The following LAMB4 variants were observed in gnomAD, a reference collection of about 807,000 sequenced individuals.
The protein encoded by LAMB4 is laminin subunit beta-4.
LAMB4 carries 196 observed loss-of-function variants against 199.2 expected under a neutral mutation model. That is an observed-to-expected ratio of 0.98 (90% CI 0.88 to 1.11). The LOEUF (loss-of-function observed/expected upper bound fraction) is 1.11, where lower values mean the gene tolerates loss of function less well. Among genes scored for constraint, LAMB4 ranks in the 50% least tolerant of loss-of-function variants. The pLI is 0.00. For synonymous variants in LAMB4, 744 were observed against 770.6 expected, an observed-to-expected ratio of 0.97 and a Z score of 0.57; for missense variants, 2,080 against 2,171.2, an observed-to-expected ratio of 0.96 and a Z score of 0.83.
At chr7:108,024,956 G>A (rs1636947) in intron 33 of LAMB4, among the ~76,000 whole-genome samples, 30,736 of 152,174 alleles carry the variant, frequency 0.2, 7,237 homozygotes, top group African/African-American at 0.58. Context: ...AGGGAAGATA[G>A]CTTCTAGAAG....
At position 108,048,007 on chromosome 7, in the gene LAMB4, G is replaced by C; in HGVS notation, c.4227C>G (p.His1409Gln). 6.2e-7 allele frequency: 1 copy of C among 1,614,132 alleles called. No homozygotes were observed. The highest frequency in any genetic ancestry group is 1.1e-5 in the South Asian group (1 of 91,092). ...GHRKCRGPGC[H>Q]GSLTLSTNAL... ...CATTCGTTGAGAGGGTCAGGGAGCCGTGACAGCCGGGACCCCTACACTTCC... is the reference window on the plus strand; with the variant it reads ...CATTCGTTGAGAGGGTCAGGGAGCCCTGACAGCCGGGACCCCTACACTTCC... The change falls in exon 28 of 34, where the codon CAC becomes CAG. Residue 1409 changes from histidine (H) to glutamine (Q), a missense_variant. By Grantham distance (24) the His-to-Gln change is conservative. Coordinates refer to ENST00000388781, the MANE Select transcript of LAMB4 (RefSeq NM_007356.3).
chr7:108,066,002 C>T, intron 20 of LAMB4, 83 bp from the exon 21 acceptor site: 1 of 1,304,518 alleles, frequency 7.7e-7, no homozygotes, highest in Non-Finnish European at 1.1e-6. Context: ...TGCTTTAAAA[C>T]AGTGCACCTC....
chr7:108,030,700 G>T, intron 32 of LAMB4, 106 bp downstream of exon 32: 1 of 1,045,164 alleles, frequency 9.6e-7, no homozygotes, highest in Non-Finnish European at 1.4e-6. Context: ...TCATGGACCA[G>T]CACAAAGGAA....
intron 29 of LAMB4, among the ~76,000 whole-genome samples, chr7:108,043,515 C>T (rs1280398410): frequency 7.3e-6 from 1 of 137,134 alleles, no homozygotes; most frequent in Non-Finnish European, 1.6e-5. Flanking sequence ...TTGTCATTTC[C>T]AATTAATATA....
In LAMB4 at chr7:108,065,828, C is replaced by A. The variant is rs756724584; in HGVS notation, c.2770G>T (p.Ala924Ser). The A allele has an allele frequency of 6.2e-7, 1 of 1,614,048 alleles. No individual in the cohort carries two copies. Among genetic ancestry groups the A allele is most frequent in the Non-Finnish European group, 8.5e-7 (1 of 1,179,948 alleles). Residue 924 changes from alanine to serine, a missense_variant, in exon 21 of 34, where the codon GCC (alanine) becomes TCC (serine). By Grantham distance (99) the Ala-to-Ser change is moderately conservative. Coordinates refer to ENST00000388781, the MANE Select transcript of LAMB4 (RefSeq NM_007356.3). Reference protein sequence around the residue: ...PDDPSSNQYFAHSCYQNLWSS... With the variant: ...PDDPSSNQYFSHSCYQNLWSS... ...CACAGATTCTGATAACAGGAATGGG[C>A]AAAATACTGATTGCTTGAGGGATCA... is the stretch of plus-strand genomic sequence containing the variant.
At chr7:108,033,629 G>A (rs978189873) in intron 31 of LAMB4, among the ~76,000 whole-genome samples, 2 of 151,648 alleles carry the variant, frequency 1.3e-5, no homozygotes, top group Admixed American at 6.6e-5. Flanking sequence ...AGCTGGTCTC[G>A]AACTCCTCAC....
At chr7:108,019,846 T>C (rs183765133), downstream of LAMB4, among the ~76,000 whole-genome samples, 3 of 152,304 alleles carry the variant, frequency 2.0e-5, no homozygotes, top group East Asian at 5.8e-4. Context: ...GCCATGCCAG[T>C]GCTTCTGCCT....
At position 108,037,111 on chromosome 7, in the gene LAMB4, G is replaced by T. The variant is rs917245; in HGVS notation, c.4679+277C>A. On this transcript the variant is annotated intron_variant, in intron 30 of 33. Transcript: ENST00000388781. ...AAAGTATTGGCATATAATGAGTATT[G>T]CACATTTATTGGTATGCATTGGTAT... is the stretch of plus-strand genomic sequence containing the variant. Among the ~76,000 whole-genome samples the T allele has an allele frequency of 0.82, 124,508 of 151,868 alleles. 51,293 individuals are homozygous for T. Among genetic ancestry groups the T allele is most frequent in the African/African-American group, 0.91 (37,705 of 41,462 alleles).
At chr7:108,070,407 G>C (rs554702798) in intron 17 of LAMB4, among the ~76,000 whole-genome samples, 1 of 152,264 alleles carries the variant, frequency 6.6e-6, no homozygotes, top group East Asian at 1.9e-4. Context: ...GACCAGAACT[G>C]ACGCTTGAAC....
chr7:108,061,706 T>C (rs1191310701), intron 23 of LAMB4, among the ~76,000 whole-genome samples: 1 of 137,454 alleles, frequency 7.3e-6, no homozygotes, highest in Non-Finnish European at 1.5e-5. Flanking sequence ...ACCACTGCCC[T>C]CAGGCCTGGG....
intron 23 of LAMB4, among the ~76,000 whole-genome samples, chr7:108,061,690 G>A (rs922399776): frequency 4.3e-5 from 6 of 140,402 alleles, no homozygotes; most frequent in Admixed American, 3.9e-4. Context: ...AGTGAGCCAA[G>A]ATCATACCAC....
Position 108,091,629 on chromosome 7 carries a change from A to G in LAMB4, c.1698T>C (p.Pro566=). The G allele has an allele frequency of 6.2e-7, 1 of 1,612,416 alleles. No individual in the cohort carries two copies. Among genetic ancestry groups the G allele is most frequent in the Middle Eastern group, 1.7e-4 (1 of 6,046 alleles). The change falls in exon 14 of 34, where the codon CCT becomes CCC. Residue 566 remains proline, a synonymous_variant. Transcript: ENST00000388781. ...GGAAAGTAAATGAAATACGAACCAA[A>G]GGCGCCAGTCCTTGGAGTGTTGTGG... ...EEATTLQGLA[P]LGSETFGQSP... is the part of the protein sequence containing the mutation.
intron 9 of LAMB4, among the ~76,000 whole-genome samples, chr7:108,104,286 T>TA (rs35780719): frequency 0.34 from 52,003 of 151,876 alleles, 9,357 homozygotes; most frequent in Non-Finnish European, 0.4. Context: ...GTTTCATTTT[T>TA]AAAGTTAAAC....
At chr7:108,016,700 G>A in the LAMB4 span, among the ~76,000 whole-genome samples, 3 of 152,294 alleles carry the variant, frequency 2.0e-5, no homozygotes, top group Admixed American at 6.5e-5. Flanking sequence ...AGCTGTGTTA[G>A]TAGTTTTCTG....
At chr7:108,097,630 A>G (rs934252867) in intron 11 of LAMB4, among the ~76,000 whole-genome samples, 5 of 152,060 alleles carry the variant, frequency 3.3e-5, no homozygotes, top group Non-Finnish European at 5.9e-5. Flanking sequence ...CTAAAAATAC[A>G]AAAAATTAGC....
At chr7:108,052,310 T>C in intron 25 of LAMB4, 53 bp from the exon 26 acceptor site, 3 of 1,408,912 alleles carry the variant, frequency 2.1e-6, no homozygotes, top group East Asian at 2.5e-5. Flanking sequence ...ATTTGATATA[T>C]TGGTGAAAAA....
At chr7:108,088,501 C>T (rs1425897771) in intron 14 of LAMB4, among the ~76,000 whole-genome samples, 1 of 152,198 alleles carries the variant, frequency 6.6e-6, no homozygotes, top group Non-Finnish European at 1.5e-5. Flanking sequence ...AAGTACCCAT[C>T]AGAAGTATTA....
At chr7:108,087,965 T>G (rs952373284) in intron 14 of LAMB4, among the ~76,000 whole-genome samples, 21 of 152,252 alleles carry the variant, frequency 1.4e-4, no homozygotes, top group Non-Finnish European at 2.6e-4. Context: ...CAAGCACAGT[T>G]GTAAGTGCAT....
intron 14 of LAMB4, among the ~76,000 whole-genome samples, chr7:108,086,427 A>G (rs1013269855): frequency 6.6e-6 from 1 of 152,198 alleles, no homozygotes; most frequent in Non-Finnish European, 1.5e-5. Context: ...AGACAGTGAC[A>G]CTGTACACAT....
Sources: gnomAD v4.1 joint callset for allele counts (sites outside exome capture counted in the v4.1 genomes callset) on GRCh38, gnomAD v4.1.1 for gene constraint, MANE v1.5 for transcripts, NCBI Gene and HGNC (gene_info 2026-07-23, HGNC 2026-07-21) for gene names.